CARMIL1: variants seen among roughly 807,000 people sequenced by gnomAD.
CARMIL1 encodes F-actin-uncapping protein LRRC16A.
In CARMIL1, 90 loss-of-function variants were observed where a neutral mutation model predicts 177.1. That is an observed-to-expected ratio of 0.51 (90% CI 0.43 to 0.61). The LOEUF is 0.61. CARMIL1 is among the 20% of genes least tolerant of loss of function. The pLI is 0.00. For synonymous variants in CARMIL1, 577 were observed against 606.2 expected (o/e 0.95, Z 0.71); for missense variants, 1,380 against 1,667.0 (o/e 0.83, Z 3.00).
At chr6:25,418,130 T>C (rs1795521907) in intron 2 of CARMIL1, among the ~76,000 whole-genome samples, 1 of 152,148 alleles carries the variant, frequency 6.6e-6, no homozygotes, top group Non-Finnish European at 1.5e-5. Context: ...AGAATCTGAA[T>C]GTAAGTCTTT....
In CARMIL1 at chr6:25,581,383, C is replaced by T. The variant is rs1259658338; in HGVS notation, c.2950C>T (p.His984Tyr). 1.2e-6 allele frequency: 2 copies of T among 1,613,440 alleles called. No individual in the cohort carries two copies. Among genetic ancestry groups the T allele is most frequent in the Admixed American group, 1.7e-5 (1 of 59,920 alleles). The change falls in exon 31 of 37, where the codon CAC becomes TAC. Residue 984 changes from histidine to tyrosine, a missense_variant. By Grantham distance (83) the His-to-Tyr change is moderately conservative. Transcript: ENST00000329474. ...CTCTGAAGAGGGGAAGAAGCTGGAA[C>T]ACTTTACCAAGTTAAGGCCAAAAAG... is the stretch of plus-strand genomic sequence containing the variant. Reference protein sequence around the residue: ...LPSEEGKKLEHFTKLRPKRNK... With the variant: ...LPSEEGKKLEYFTKLRPKRNK...
At chr6:25,412,571 A>G (rs1795003160) in intron 2 of CARMIL1, among the ~76,000 whole-genome samples, 1 of 152,196 alleles carries the variant, frequency 6.6e-6, no homozygotes, top group Non-Finnish European at 1.5e-5. Context: ...GTGAGACCCT[A>G]TATCTTAAAG....
At chr6:25,372,624 C>T (rs1196231797) in intron 2 of CARMIL1, among the ~76,000 whole-genome samples, 3 of 152,146 alleles carry the variant, frequency 2.0e-5, no homozygotes, top group Non-Finnish European at 2.9e-5. Flanking sequence ...GTTCATTTAT[C>T]AAATCTAGGA....
chr6:25,402,026 T>TTCAA (rs1277177537), intron 2 of CARMIL1, among the ~76,000 whole-genome samples: 74 of 152,274 alleles, frequency 4.9e-4, no homozygotes, highest in African/African-American at 1.7e-3. Flanking sequence ...AATTTCCCTT[T>TTCAA]TTATGCCTTC....
chr6:25,453,011 T>C (rs899989838), intron 8 of CARMIL1, among the ~76,000 whole-genome samples: 6 of 152,218 alleles, frequency 3.9e-5, no homozygotes, highest in African/African-American at 1.4e-4. Flanking sequence ...TATCCATACA[T>C]AATTTTGTAG....
chr6:25,564,271 C>G (rs1811372297), intron 29 of CARMIL1, among the ~76,000 whole-genome samples: 1 of 152,138 alleles, frequency 6.6e-6, no homozygotes, highest in Non-Finnish European at 1.5e-5. Flanking sequence ...CTGCACTGTC[C>G]AGGTCAGGAA....
intron 2 of CARMIL1, among the ~76,000 whole-genome samples, chr6:25,332,025 A>G (rs1785672820): frequency 6.6e-6 from 1 of 152,192 alleles, no homozygotes; most frequent in Non-Finnish European, 1.5e-5. Context: ...TTAAAAACAT[A>G]AATTTTGTTT....
chr6:25,520,634 G>T (rs766914409), intron 23 of CARMIL1, among the ~76,000 whole-genome samples: 1 of 152,152 alleles, frequency 6.6e-6, no homozygotes, highest in Non-Finnish European at 1.5e-5. Flanking sequence ...GGGGAGAAAT[G>T]TGTGGAACTG....
intron 2 of CARMIL1, among the ~76,000 whole-genome samples, chr6:25,331,116 G>A (rs896346493): frequency 6.6e-6 from 1 of 152,182 alleles, no homozygotes; most frequent in African/African-American, 2.4e-5. Context: ...TGAGGAAGTT[G>A]AGGATTGAAG....
Position 25,464,487 on chromosome 6 carries a change from G to A in CARMIL1, c.615-1386G>A, listed in dbSNP as rs565761202. Among the ~76,000 whole-genome samples the A allele has an allele frequency of 2.8e-4, 43 of 152,158 alleles. No individual in the cohort carries two copies. In the Middle Eastern group the frequency reaches 0.01, roughly 36 times the overall value. On this transcript the variant is annotated intron_variant, in intron 8 of 36. Coordinates refer to ENST00000329474, the MANE Select transcript of CARMIL1 (RefSeq NM_017640.6). ...TATGTAGAGTGCCAAGCACAGGGCC[G>A]GGCCACCCAGAGCTATGAGATAATA... is the stretch of plus-strand genomic sequence containing the variant.
At chr6:25,303,404 T>C (rs531480471) in intron 2 of CARMIL1, among the ~76,000 whole-genome samples, 18 of 152,282 alleles carry the variant, frequency 1.2e-4, no homozygotes, top group Admixed American at 3.3e-4. Flanking sequence ...ATTTCCTCAA[T>C]TGGGGAAGTA....
intron 2 of CARMIL1, among the ~76,000 whole-genome samples, chr6:25,366,020 A>G (rs1789756868): frequency 6.6e-6 from 1 of 152,040 alleles, no homozygotes; most frequent in South Asian, 2.1e-4. Flanking sequence ...GTATTTAGAG[A>G]CAGTGTCTTG....
At chr6:25,580,852 G>A in intron 29 of CARMIL1, 72 bp from the exon 30 acceptor site, 5 of 1,139,820 alleles carry the variant, frequency 4.4e-6, no homozygotes, top group South Asian at 2.7e-5. Flanking sequence ...GATCCAGAAT[G>A]TTTCAGAAGT....
intron 2 of CARMIL1, among the ~76,000 whole-genome samples, chr6:25,342,306 G>A (rs1273989532): frequency 6.6e-6 from 1 of 152,208 alleles, no homozygotes; most frequent in Non-Finnish European, 1.5e-5. Flanking sequence ...TGGGTTCAGA[G>A]AGGATGGGAG....
At chr6:25,310,243 A>G (rs1783685462) in intron 2 of CARMIL1, among the ~76,000 whole-genome samples, 2 of 152,198 alleles carry the variant, frequency 1.3e-5, no homozygotes, top group Non-Finnish European at 2.9e-5. Context: ...ACCACAAAAA[A>G]GTGTAGAAGG....
At chr6:25,353,263 C>G (rs1788282727) in intron 2 of CARMIL1, among the ~76,000 whole-genome samples, 1 of 152,102 alleles carries the variant, frequency 6.6e-6, no homozygotes, top group African/African-American at 2.4e-5. Context: ...TTGATTTGTT[C>G]TCTTTTGAGT....
intron 2 of CARMIL1, among the ~76,000 whole-genome samples, chr6:25,288,956 G>A (rs2744289): frequency 1.3e-5 from 2 of 152,068 alleles, no homozygotes; most frequent in Non-Finnish European, 2.9e-5. Context: ...CATTAATACA[G>A]CCCTGTGCAT....
chr6:25,493,030 T>C (rs1007125376), intron 15 of CARMIL1, among the ~76,000 whole-genome samples: 1 of 152,220 alleles, frequency 6.6e-6, no homozygotes, highest in Non-Finnish European at 1.5e-5. Flanking sequence ...AGAGTTTTAA[T>C]TGAAACCTAG....
At chr6:25,390,589 T>A (rs1390339710) in intron 2 of CARMIL1, among the ~76,000 whole-genome samples, 1 of 151,606 alleles carries the variant, frequency 6.6e-6, no homozygotes, top group Non-Finnish European at 1.5e-5. Context: ...CCCAAAGTGG[T>A]GGGATTACAA....
Sources: allele counts gnomAD v4.1 joint callset (sites outside exome capture counted in the v4.1 genomes callset), GRCh38; gene constraint gnomAD v4.1.1; transcripts MANE v1.5; gene names NCBI Gene and HGNC (gene_info 2026-07-23, HGNC 2026-07-21).